The following TRPC4 variants were observed in gnomAD, a reference collection of about 807,000 sequenced individuals.
TRPC4 encodes transient receptor potential cation channel subfamily C member 4.
TRPC4 carries 49 observed loss-of-function variants against 99.4 expected under a neutral mutation model. That is an observed-to-expected ratio of 0.49 (90% confidence interval 0.39 to 0.63). TRPC4 has a LOEUF of 0.63. Ranked by LOEUF, TRPC4 falls within the 20% of genes least tolerant of loss-of-function variation. The pLI is 0.00. For missense variants in TRPC4, 898 were observed against 1,152.9 expected (o/e 0.78, Z 3.20); for synonymous variants, 454 against 425.9 (o/e 1.07, Z -0.81).
intron 8 of TRPC4, among the ~76,000 whole-genome samples, chr13:37,650,791 T>G (rs1952021015): frequency 6.7e-6 from 1 of 149,876 alleles, no homozygotes; most frequent in South Asian, 2.1e-4. Context: ...TTGAGAATTC[T>G]TATCAAGCAT....
chr13:37,848,189 T>A (rs1182428388), intron 1 of TRPC4, among the ~76,000 whole-genome samples: 1 of 152,096 alleles, frequency 6.6e-6, no homozygotes, highest in East Asian at 1.9e-4. Flanking sequence ...AGAAAATAGA[T>A]AAATAAGGTG....
In TRPC4 at chr13:37,634,110, A is replaced by G. The variant is rs573458189; in HGVS notation, c.*2793T>C. The stretch of plus-strand genomic sequence containing the variant: ...ATTTTTTAAGATTAAGAGAGTACGA[A>G]AAATGAGAAACATTATTTATGTAAA... On this transcript the variant is annotated 3_prime_UTR_variant, in exon 11 of 11. Coordinates refer to ENST00000379705, the MANE Select transcript of TRPC4 (RefSeq NM_016179.4). Among the ~76,000 whole-genome samples, 1 of 152,264 alleles carries G rather than the reference A, an allele frequency of 6.6e-6. No individual in the cohort carries two copies. The highest frequency in any genetic ancestry group is 1.5e-5 in the Non-Finnish European group (1 of 67,990).
intron 1 of TRPC4, among the ~76,000 whole-genome samples, chr13:37,797,884 T>G (rs1485684203): frequency 6.6e-6 from 1 of 152,178 alleles, no homozygotes; most frequent in African/African-American, 2.4e-5. Context: ...TTCTGCACAG[T>G]CATCAACCCT....
rs1956908866 is a variant in TRPC4 at position 37,783,921 on chromosome 13, T to C, written c.-27-561A>G. 2.0e-5 allele frequency among the ~76,000 whole-genome samples: 3 copies of C among 152,022 alleles called. No individual in the cohort carries two copies. The South Asian group carries it at 6.2e-4, about 31-fold the overall frequency. On this transcript the variant is annotated intron_variant, in intron 1 of 10. Transcript: ENST00000379705. ...CAGGGTTTTGCCATGTTGCCCAGGC[T>C]GGTCTCGAACTCCTGGGCTCAAGAG...
chr13:37,632,364 C>T lies in TRPC4; in HGVS notation c.*4539G>A, dbSNP rs888068966. On this transcript the variant is annotated 3_prime_UTR_variant, in exon 11 of 11. Transcript: ENST00000379705. ...TACTATCAGTTCAATATGTAGCCAA[C>T]ATAAAATATTTATGAGCTAGTTTAC... Among the ~76,000 whole-genome samples, 2 of 152,206 alleles carry T rather than the reference C, an allele frequency of 1.3e-5. No individual in the cohort carries two copies. The highest frequency in any genetic ancestry group is 1.3e-4 in the Admixed American group (2 of 15,264).
intron 3 of TRPC4, among the ~76,000 whole-genome samples, chr13:37,736,708 A>G (rs1430482475): frequency 2.6e-5 from 4 of 151,962 alleles, no homozygotes; most frequent in Admixed American, 1.3e-4. Flanking sequence ...GATTATACCA[A>G]TAGACTTAAG....
At chr13:37,651,553 T>TTTTTGCTTCTAAATTG in intron 7 of TRPC4, 94 bp from the exon 8 acceptor site, 2 of 1,102,284 alleles carry the variant, frequency 1.8e-6, no homozygotes, top group Non-Finnish European at 2.7e-6. Flanking sequence ...TTCAAGCGGC[T>TTTTTGCTTCTAAATTG]CTTGGAACAT....
chr13:37,649,489 C>T (rs1951951097), intron 8 of TRPC4, among the ~76,000 whole-genome samples: 1 of 151,850 alleles, frequency 6.6e-6, no homozygotes, highest in African/African-American at 2.4e-5. Flanking sequence ...AATCCCAGCA[C>T]TTTGGGAGGC....
intron 1 of TRPC4, among the ~76,000 whole-genome samples, chr13:37,809,057 G>A (rs1218937402): frequency 6.6e-6 from 1 of 151,992 alleles, no homozygotes; most frequent in Non-Finnish European, 1.5e-5. Flanking sequence ...TTATCCAAAT[G>A]CAACTAAATA....
At chr13:37,652,032 A>C (rs1237542723) in intron 7 of TRPC4, among the ~76,000 whole-genome samples, 1 of 152,230 alleles carries the variant, frequency 6.6e-6, no homozygotes, top group Non-Finnish European at 1.5e-5. Context: ...TTGAATCTTG[A>C]CCTAACTTTG....
chr13:37,797,005 A>G, intron 1 of TRPC4, among the ~76,000 whole-genome samples: 1 of 144,336 alleles, frequency 6.9e-6, no homozygotes, highest in Non-Finnish European at 1.6e-5. Context: ...AAAGTAAAGT[A>G]AAATAAAATA....
intron 3 of TRPC4, among the ~76,000 whole-genome samples, chr13:37,742,564 A>C (rs1161581659): frequency 6.6e-6 from 1 of 152,160 alleles, no homozygotes; most frequent in African/African-American, 2.4e-5. Context: ...AAGAGAGTCT[A>C]TGGAGGGGTT....
intron 5 of TRPC4, among the ~76,000 whole-genome samples, chr13:37,669,209 G>A (rs146818598): frequency 0.012 from 1,772 of 152,054 alleles, 42 homozygotes; most frequent in African/African-American, 0.041. Context: ...ATTACACAGC[G>A]AAAAAGGAAT....
Position 37,783,038 on chromosome 13 carries a change from G to A in TRPC4, c.296C>T (p.Ala99Val), listed in dbSNP as rs1350143729. 1 of 1,612,760 alleles carries A rather than the reference G, an allele frequency of 6.2e-7. No individual in the cohort carries two copies. The highest frequency in any genetic ancestry group is 8.5e-7 in the Non-Finnish European group (1 of 1,179,550). Reference sequence around the variant, plus strand: ...TTCTTTTCTGATAGCATGTAATAGAGCATCTCCAACATAGACATTAAAGCT... The same window carrying A: ...TTCTTTTCTGATAGCATGTAATAGAACATCTCCAACATAGACATTAAAGCT... ...LLSFNVYVGD[A>V]LLHAIRKEVV... Residue 99 changes from alanine to valine, a missense_variant, in exon 2 of 11, where the codon GCT (alanine) becomes GTT (valine). Ala to Val is a moderately conservative substitution (Grantham distance 64). Coordinates refer to ENST00000379705, the MANE Select transcript of TRPC4 (RefSeq NM_016179.4).
intron 3 of TRPC4, among the ~76,000 whole-genome samples, chr13:37,706,635 C>T (rs1490309652): frequency 1.3e-5 from 2 of 151,318 alleles, no homozygotes; most frequent in Non-Finnish European, 2.9e-5. Flanking sequence ...CCCCTACCCC[C>T]ACCCCACAAC....
At chr13:37,686,282 GTATA>G (rs895702860) in intron 4 of TRPC4, among the ~76,000 whole-genome samples, 3 of 151,630 alleles carry the variant, frequency 2.0e-5, no homozygotes, top group African/African-American at 7.3e-5. Flanking sequence ...GCACACACAC[GTATA>G]TATACACACG....
chr13:37,757,839 C>T (rs1181855813), intron 2 of TRPC4, among the ~76,000 whole-genome samples: 3 of 151,954 alleles, frequency 2.0e-5, no homozygotes, highest in African/African-American at 7.2e-5. Context: ...TGATAGTATT[C>T]ACCAGGTATT....
chr13:37,686,718 A>G (rs1452281491), intron 4 of TRPC4, among the ~76,000 whole-genome samples: 4 of 152,164 alleles, frequency 2.6e-5, no homozygotes, highest in African/African-American at 9.7e-5. Context: ...TTCTTACTTT[A>G]TGCCTAGGAA....
chr13:37,681,817 G>A (rs553294104), intron 4 of TRPC4, among the ~76,000 whole-genome samples: 3 of 152,294 alleles, frequency 2.0e-5, no homozygotes, highest in African/African-American at 7.2e-5. Flanking sequence ...TCTCAGAGTC[G>A]TGATGGAGGC....
Sources: allele counts gnomAD v4.1 joint callset (sites outside exome capture counted in the v4.1 genomes callset), GRCh38; gene constraint gnomAD v4.1.1; transcripts MANE v1.5; gene names NCBI Gene and HGNC (gene_info 2026-07-23, HGNC 2026-07-21).